The following FAM110B variants were observed in gnomAD, a reference collection of about 807,000 sequenced individuals.
The protein encoded by FAM110B is family with sequence similarity 110 member B.
In FAM110B, 6 loss-of-function variants were observed where a neutral mutation model predicts 20.4. That is an observed-to-expected ratio of 0.29 (90% CI 0.16 to 0.58). The LOEUF (loss-of-function observed/expected upper bound fraction) is 0.58, where lower values mean the gene tolerates loss of function less well. Among genes scored for constraint, FAM110B ranks in the 20% least tolerant of loss-of-function variants. FAM110B has a pLI of 0.90. For synonymous variants in FAM110B, 226 were observed against 214.1 expected, an observed-to-expected ratio of 1.06 and a Z score of -0.49; for missense variants, 434 against 498.2, an observed-to-expected ratio of 0.87 and a Z score of 1.23.
chr8:58,040,624 C>T (rs918321241), intron 2 of FAM110B, among the ~76,000 whole-genome samples: 1 of 152,134 alleles, frequency 6.6e-6, no homozygotes, highest in African/African-American at 2.4e-5. Flanking sequence ...TGCCTGTTTC[C>T]ATATAATTTT....
intron 2 of FAM110B, among the ~76,000 whole-genome samples, chr8:58,058,039 G>A (rs1438030009): frequency 1.3e-5 from 2 of 152,158 alleles, no homozygotes; most frequent in Non-Finnish European, 2.9e-5. Context: ...ACATGTTTTA[G>A]AATTGTCTGC....
At chr8:58,016,764 C>T (rs530124314) in intron 1 of FAM110B, among the ~76,000 whole-genome samples, 1 of 152,212 alleles carries the variant, frequency 6.6e-6, no homozygotes, top group South Asian at 2.1e-4. Context: ...GCCCAGGGCC[C>T]AAGAGAAGCT....
At chr8:58,030,767 A>T (rs1283373396) in intron 1 of FAM110B, among the ~76,000 whole-genome samples, 2 of 152,216 alleles carry the variant, frequency 1.3e-5, no homozygotes, top group South Asian at 4.1e-4. Context: ...GGTATCTGAC[A>T]AAAGCAGATG....
At chr8:58,115,974 C>G (rs17254445) in intron 3 of FAM110B, among the ~76,000 whole-genome samples, 5,592 of 152,274 alleles carry the variant, frequency 0.037, 155 homozygotes, top group Admixed American at 0.062. Context: ...CCAGTTCGTT[C>G]ACTTGTTTAA....
At chr8:58,042,463 C>T (rs1195757333) in intron 2 of FAM110B, among the ~76,000 whole-genome samples, 1 of 152,130 alleles carries the variant, frequency 6.6e-6, no homozygotes, top group Admixed American at 6.5e-5. Context: ...TTAGTCAGAC[C>T]TCTAATTTAC....
chr8:58,072,966 G>T lies in FAM110B; in HGVS notation c.-413-2569G>T, dbSNP rs372142896. 1.3e-5 allele frequency among the ~76,000 whole-genome samples: 2 copies of T among 152,178 alleles called. 1 individual carries two copies. The highest frequency in any genetic ancestry group is 3.9e-4 in the East Asian group (2 of 5,194). On this transcript the variant is annotated intron_variant, in intron 2 of 3. Coordinates refer to ENST00000519262, the MANE Select transcript of FAM110B (RefSeq NM_001377989.1). ...TGGCAATATCTATAGGTGGATTTGT[G>T]GCTGGTCACTTGGCATCTGTCATAA...
At chr8:58,138,365 C>T (rs1246616363) in intron 3 of FAM110B, among the ~76,000 whole-genome samples, 1 of 152,226 alleles carries the variant, frequency 6.6e-6, no homozygotes, top group Non-Finnish European at 1.5e-5. Flanking sequence ...ATGTGTGGGC[C>T]GAGCAAACCC....
chr8:57,995,905 A>G lies in FAM110B; in HGVS notation c.-512+1099A>G, dbSNP rs1439878762. Among the ~76,000 whole-genome samples, 3 of 152,390 alleles carry G rather than the reference A, an allele frequency of 2.0e-5. No homozygotes were observed. The East Asian group carries it at 5.8e-4, about 29-fold the overall frequency. ...TGGCGTAACTGGTCTATTTCTCAAA[A>G]GGGAATATGATAGTAGAATAAGCAT... is the stretch of plus-strand genomic sequence containing the variant. On this transcript the variant is annotated intron_variant, in intron 1 of 3. Transcript: ENST00000519262.
intron 2 of FAM110B, among the ~76,000 whole-genome samples, chr8:58,074,603 G>C (rs73682115): frequency 1.3e-5 from 2 of 152,006 alleles, no homozygotes; most frequent in Admixed American, 6.6e-5. Context: ...GAGGTTTTTC[G>C]TCTTAACCCC....
chr8:58,064,464 G>A (rs1356039515), intron 2 of FAM110B, among the ~76,000 whole-genome samples: 1 of 151,896 alleles, frequency 6.6e-6, no homozygotes, highest in Non-Finnish European at 1.5e-5. Flanking sequence ...TTAAGTCCCA[G>A]AATTTCTAGA....
chr8:58,008,827 CTG>C (rs1243217173), intron 1 of FAM110B, among the ~76,000 whole-genome samples: 1 of 152,182 alleles, frequency 6.6e-6, no homozygotes, highest in Non-Finnish European at 1.5e-5. Context: ...TATCCGCAGA[CTG>C]TGTTCTTGCA....
At chr8:58,060,615 A>G (rs547390485) in intron 2 of FAM110B, among the ~76,000 whole-genome samples, 4 of 152,198 alleles carry the variant, frequency 2.6e-5, no homozygotes, top group African/African-American at 7.2e-5. Context: ...AGCACATAGC[A>G]TACAGTATAT....
Position 58,078,218 on chromosome 8 carries a change from T to G in FAM110B, c.-325+2595T>G, listed in dbSNP as rs185785951. On this transcript the variant is annotated intron_variant, in intron 3 of 3. Coordinates refer to ENST00000519262, the MANE Select transcript of FAM110B (RefSeq NM_001377989.1). The stretch of plus-strand genomic sequence containing the variant: ...TTTTTAGAGAACACACTGGGTCTTT[T>G]TAAAAGTGGCTCCTTGTTTAAGGAA... 1.1e-4 allele frequency among the ~76,000 whole-genome samples: 17 copies of G among 152,344 alleles called. No homozygotes were observed. The East Asian group carries it at 2.7e-3, about 24-fold the overall frequency.
chr8:58,147,345 A>G lies in FAM110B; in HGVS notation c.*2A>G, dbSNP rs759732742. 1.2e-6 allele frequency: 2 copies of G among 1,610,780 alleles called. No homozygotes were observed. The highest frequency in any genetic ancestry group is 2.7e-5 in the African/African-American group (2 of 74,918). Reference sequence around the variant, plus strand: ...TCACAGAAGGTCTCCCATGTGTAAGACAGTGCGTGGAAAGGAGGGAGCGTG... The same window carrying G: ...TCACAGAAGGTCTCCCATGTGTAAGGCAGTGCGTGGAAAGGAGGGAGCGTG... On this transcript the variant is annotated 3_prime_UTR_variant, in exon 4 of 4. Transcript: ENST00000519262.
At chr8:58,026,767 T>G (rs1450196275) in intron 1 of FAM110B, among the ~76,000 whole-genome samples, 1 of 152,182 alleles carries the variant, frequency 6.6e-6, no homozygotes, top group Non-Finnish European at 1.5e-5. Flanking sequence ...AGATGCAGCT[T>G]CTGGTCATGT....
chr8:58,003,117 G>C (rs1804332385), intron 1 of FAM110B, among the ~76,000 whole-genome samples: 1 of 152,196 alleles, frequency 6.6e-6, no homozygotes, highest in Non-Finnish European at 1.5e-5. Flanking sequence ...ACAGTGTTTA[G>C]AGCATCTTCA....
At chr8:58,065,464 G>A (rs940671845) in intron 2 of FAM110B, among the ~76,000 whole-genome samples, 7 of 152,110 alleles carry the variant, frequency 4.6e-5, no homozygotes, top group Non-Finnish European at 7.4e-5. Flanking sequence ...ATTAACATCC[G>A]AAAACATGGT....
At chr8:58,098,907 A>G (rs1377437218) in intron 3 of FAM110B, 1 of 152,198 alleles carries the variant, frequency 6.6e-6, no homozygotes, top group African/African-American at 2.4e-5. Flanking sequence ...TCAGTTGGAG[A>G]TGCAGAAATC....
intron 3 of FAM110B, among the ~76,000 whole-genome samples, chr8:58,143,078 A>G (rs1214323729): frequency 6.6e-6 from 1 of 152,268 alleles, no homozygotes; most frequent in Non-Finnish European, 1.5e-5. Context: ...CCAGCACTGT[A>G]TAGCTCTGTC....
Sources: gnomAD v4.1 joint callset for allele counts (sites outside exome capture counted in the v4.1 genomes callset) on GRCh38, gnomAD v4.1.1 for gene constraint, MANE v1.5 for transcripts, NCBI Gene and HGNC (gene_info 2026-07-23, HGNC 2026-07-21) for gene names.